Variants in ADNP observed in about 807,000 individuals in gnomAD.
ADNP encodes activity dependent neuroprotector homeobox, also known as activity-dependent neuroprotector homeobox protein.
A neutral mutation model predicts 84.9 loss-of-function variants in ADNP; 4 were observed. The ratio of observed to expected loss-of-function variants is 0.05; its 90% CI spans 0.02 to 0.11. The LOEUF (loss-of-function observed/expected upper bound fraction) is 0.11, where lower values mean the gene tolerates loss of function less well. Ranked by LOEUF, ADNP falls within the 10% of genes least tolerant of loss-of-function variation. ADNP has a pLI of 1.00. For synonymous variants in ADNP, 554 were observed against 468.1 expected (o/e 1.18, Z -2.37); for missense variants, 1,132 against 1,326.0 (o/e 0.85, Z 2.27).
intron 2 of ADNP, chr20:50,905,402 G>A (rs970441523): frequency 6.6e-6 from 1 of 152,252 alleles, no homozygotes; most frequent in South Asian, 2.1e-4. Flanking sequence ...CTGTTACTCT[G>A]TAATACCAAT....
intron 1 of ADNP, among the ~76,000 whole-genome samples, chr20:50,930,466 G>A (rs1207740971): frequency 6.8e-5 from 1 of 14,614 alleles, no homozygotes; most frequent in Non-Finnish European, 1.2e-4. Context: ...GGGGCGGACG[G>A]GATTAGTTCC....
intron 2 of ADNP, among the ~76,000 whole-genome samples, chr20:50,921,859 T>C (rs1435789535): frequency 6.6e-6 from 1 of 152,140 alleles, no homozygotes; most frequent in East Asian, 1.9e-4. Flanking sequence ...AGACTGAGGA[T>C]ACTTTATAAT....
At chr20:50,922,967 A>G (rs932866795) in intron 2 of ADNP, among the ~76,000 whole-genome samples, 1 of 152,082 alleles carries the variant, frequency 6.6e-6, no homozygotes, top group Non-Finnish European at 1.5e-5. Context: ...TCTAGAGAGG[A>G]TCTCAAGACC....
rs1981029136 is a variant in ADNP at position 50,893,497 on chromosome 20, T to C, written c.1217A>G (p.Gln406Arg). The C allele has an allele frequency of 1.2e-6, 2 of 1,613,870 alleles. No homozygotes were observed. Among genetic ancestry groups the C allele is most frequent in the East Asian group, 2.2e-5 (1 of 44,884 alleles). The change falls in exon 6 of 6, where the codon CAG (glutamine) becomes CGG (arginine). Residue 406 changes from glutamine (Q) to arginine (R), a missense_variant. By Grantham distance (43) the Gln-to-Arg change is conservative. Transcript: ENST00000621696. The surrounding 1 kb of genome is among the most constrained non-coding windows in gnomAD (Gnocchi z 4.4). ...SANASSLSSG[Q>R]LKSPSLSQSQ... is the part of the protein sequence containing the mutation. The stretch of plus-strand genomic sequence containing the variant: ...CTGAGAGAGGGAAGGAGACTTTAAC[T>C]GGCCCGATGAGAGAGAAGAGGCATT...
intron 2 of ADNP, among the ~76,000 whole-genome samples, chr20:50,915,230 T>C (rs890849304): frequency 1.3e-5 from 2 of 152,204 alleles, no homozygotes; most frequent in Admixed American, 1.3e-4. Context: ...AATACCTGTC[T>C]ATATCACTCA....
intron 1 of ADNP, among the ~76,000 whole-genome samples, chr20:50,930,349 G>GC (rs889380404): frequency 3.1e-4 from 46 of 148,692 alleles, no homozygotes; most frequent in South Asian, 1.1e-3. Context: ...CATGCTCCCC[G>GC]CCCCCCCCAA....
chr20:50,893,657 C>T lies in ADNP; in HGVS notation c.1057G>A (p.Gly353Ser). 6.2e-7 allele frequency: 1 copy of T among 1,614,168 alleles called. No individual in the cohort carries two copies. The highest frequency in any genetic ancestry group is 1.6e-4 in the Middle Eastern group (1 of 6,062). The change falls in exon 6 of 6, where the codon GGC becomes AGC. Residue 353 changes from glycine to serine, a missense_variant. Transcript: ENST00000621696. The surrounding 1 kb of genome is among the most constrained non-coding windows in gnomAD (Gnocchi z 4.4). ...TGAGGAATGGAAACTGGTGCGTTGC[C>T]ACCTAGACCCAGTCTCATTGACTGA... is the stretch of plus-strand genomic sequence containing the variant. ...VGQSMRLGLGGNAPVSIPQQS... is the reference protein window; with the variant it reads ...VGQSMRLGLGSNAPVSIPQQS...
intron 2 of ADNP, among the ~76,000 whole-genome samples, chr20:50,927,832 A>G (rs1984390165): frequency 6.6e-6 from 1 of 152,252 alleles, no homozygotes. Flanking sequence ...ACTGTATCCC[A>G]TTCGCTAAAT....
At chr20:50,923,012 G>C (rs757736744) in intron 2 of ADNP, among the ~76,000 whole-genome samples, 12 of 152,034 alleles carry the variant, frequency 7.9e-5, no homozygotes, top group Admixed American at 5.9e-4. Context: ...TCAGAATCTT[G>C]CCTTGGGACA....
intron 1 of ADNP, among the ~76,000 whole-genome samples, chr20:50,929,430 T>C (rs1453858088): frequency 6.6e-6 from 1 of 152,248 alleles, no homozygotes. Context: ...CTTCGCCATG[T>C]TGCTGTCAGC....
Position 50,919,289 on chromosome 20 carries a change from G to GTATATATATATA in ADNP, c.-90+9361_-90+9362insTATATATATATA, listed in dbSNP as rs1359779030. Among the ~76,000 whole-genome samples the GTATATATATATA allele has an allele frequency of 1.3e-3, 83 of 64,684 alleles. 1 individual carries two copies. The highest frequency in any genetic ancestry group is 4.2e-3 in the African/African-American group (76 of 18,146). The allele number at this position is 64,684 out of a possible 152,430, so 42.4% of individuals were successfully genotyped here. On this transcript the variant is annotated intron_variant, in intron 2 of 5. Transcript: ENST00000621696. ...AGCCTGAAAAAATACATATATTTAA[G>GTATATATATATA]TGTATATATATATATATATATATAT...
At chr20:50,900,556 T>C (rs1981868082) in intron 5 of ADNP, among the ~76,000 whole-genome samples, 1 of 152,224 alleles carries the variant, frequency 6.6e-6, no homozygotes, top group Non-Finnish European at 1.5e-5. Context: ...TGCGCTATGA[T>C]GTCATAAGGT....
intron 4 of ADNP, among the ~76,000 whole-genome samples, chr20:50,903,344 AC>A (rs1465724301): frequency 6.6e-6 from 1 of 152,240 alleles, no homozygotes; most frequent in Non-Finnish European, 1.5e-5. Flanking sequence ...AAACTGTTAT[AC>A]AAGGGGGAAA....
At chr20:50,925,388 CT>C (rs1984225486) in intron 2 of ADNP, among the ~76,000 whole-genome samples, 1 of 152,080 alleles carries the variant, frequency 6.6e-6, no homozygotes, top group South Asian at 2.1e-4. Context: ...TGAATTCTCA[CT>C]TAAGCTGACC....
chr20:50,890,130 T>TAAA lies in ADNP; in HGVS notation c.*1274_*1275insTTT, dbSNP rs1980513723. 1.9e-5 allele frequency: 2 copies of TAAA among 105,808 alleles called. No individual in the cohort carries two copies. Among genetic ancestry groups the TAAA allele is most frequent in the Non-Finnish European group, 3.2e-5 (2 of 62,956 alleles). 6.6% of individuals were successfully genotyped at this position (105,808 alleles called of 1,614,324 possible). ...AAACTCAAGGGTGTTTGTTTTTCAG[T>TAAA]TAAAAAAAAAAAAAAAAAAAAAAAA... On this transcript the variant is annotated 3_prime_UTR_variant, in exon 6 of 6. Transcript: ENST00000621696.
At chr20:50,920,516 G>A (rs1983885879) in intron 2 of ADNP, among the ~76,000 whole-genome samples, 1 of 150,266 alleles carries the variant, frequency 6.7e-6, no homozygotes, top group Admixed American at 6.6e-5. Flanking sequence ...GGAGGCAGAG[G>A]TTGAGATCGC....
At chr20:50,904,108 G>T (rs1982248047) in intron 3 of ADNP, 107 bp from the exon 4 acceptor site, 3 of 795,994 alleles carry the variant, frequency 3.8e-6, no homozygotes, top group Non-Finnish European at 4.1e-6. Context: ...GACAAAAAAG[G>T]TGCATAGATA....
At chr20:50,918,434 A>G (rs995135205) in intron 2 of ADNP, among the ~76,000 whole-genome samples, 14 of 152,202 alleles carry the variant, frequency 9.2e-5, no homozygotes, top group Admixed American at 6.5e-5. Flanking sequence ...CACTATAATC[A>G]TTTAATATGA....
Position 50,893,450 on chromosome 20 carries a change from C to G in ADNP, c.1264G>C (p.Gly422Arg). The change falls in exon 6 of 6, where the codon GGT becomes CGT. Residue 422 changes from glycine (G) to arginine (R), a missense_variant. Around this residue, in one of 10 missense-constraint regions of ADNP, gnomAD observed 239 missense variants for 213.2 expected, o/e 1.12. Coordinates refer to ENST00000621696, the MANE Select transcript of ADNP (RefSeq NM_001282531.3). This position sits in a 1 kb window ranked among gnomAD's most constrained non-coding sequence, Gnocchi z 4.4. The part of the protein sequence containing the change: ...LSQSQASRVL[G>R]QSSSKPAAAA... ...GCAGCAGGTTTGGAACTGGACTGAC[C>G]TAACACTCTGGATGCCTGTGACTGA... 6.2e-7 allele frequency: 1 copy of G among 1,614,078 alleles called. No individual in the cohort carries two copies. Among genetic ancestry groups the G allele is most frequent in the Non-Finnish European group, 8.5e-7 (1 of 1,180,028 alleles).
Sources: gnomAD v4.1 joint callset for allele counts (sites outside exome capture counted in the v4.1 genomes callset) on GRCh38, gnomAD v4.1.1 for gene constraint, gnomAD v4.1.1 regional missense constraint, Gnocchi (gnomAD v3.1) non-coding constraint, MANE v1.5 for transcripts, NCBI Gene and HGNC (gene_info 2026-07-23, HGNC 2026-07-21) for gene names.